TNFRSF10D: variants seen among roughly 807,000 people sequenced by gnomAD.
TNFRSF10D encodes TNF receptor superfamily member 10d.
Under a neutral mutation model 42.1 loss-of-function variants are expected in TNFRSF10D, and 28 were observed. That is an observed-to-expected ratio of 0.66 (90% CI 0.49 to 0.91). The LOEUF is 0.91. TNFRSF10D is among the 40% of genes least tolerant of loss of function. The pLI, the probability that TNFRSF10D is intolerant of heterozygous loss-of-function variation, is 0.00. For synonymous variants in TNFRSF10D, 186 were observed against 189.4 expected (o/e 0.98, Z 0.15); for missense variants, 503 against 486.1 (o/e 1.03, Z -0.33).
intron 1 of TNFRSF10D, among the ~76,000 whole-genome samples, chr8:23,161,749 A>G (rs1206969023): frequency 6.6e-6 from 1 of 152,224 alleles, no homozygotes; most frequent in Non-Finnish European, 1.5e-5. Context: ...AAGTGTAACA[A>G]GGGTGTAGGG....
intron 3 of TNFRSF10D, among the ~76,000 whole-genome samples, chr8:23,147,837 T>C (rs1192795185): frequency 2.6e-5 from 4 of 151,382 alleles, no homozygotes; most frequent in African/African-American, 7.3e-5. Flanking sequence ...CCGAGGTGGG[T>C]GGATCACGAG....
intron 1 of TNFRSF10D, among the ~76,000 whole-genome samples, chr8:23,162,963 C>T (rs1002180936): frequency 5.3e-5 from 8 of 152,224 alleles, no homozygotes; most frequent in African/African-American, 1.4e-4. Context: ...GCTCTGTCGC[C>T]CAGGCTGGAG....
intron 1 of TNFRSF10D, among the ~76,000 whole-genome samples, chr8:23,156,606 C>G (rs551970733): frequency 4.2e-4 from 64 of 150,878 alleles, no homozygotes; most frequent in African/African-American, 1.4e-3. Flanking sequence ...CCTCTGTCAT[C>G]CAGGTTGGAG....
rs1800097889 is a variant in TNFRSF10D at position 23,145,219 on chromosome 8, A to G, written c.737-130T>C. On this transcript the variant is annotated intron_variant, in intron 5 of 8. Coordinates refer to ENST00000312584, the MANE Select transcript of TNFRSF10D (RefSeq NM_003840.5). The stretch of plus-strand genomic sequence containing the variant: ...CAAGGAGCCCTGGGGCTGGGGACAG[A>G]ATGGGGCCTTGCAATTAGGGGACAC... 1.7e-5 allele frequency: 20 copies of G among 1,164,224 alleles called. 1 individual carries two copies. In the South Asian group the frequency reaches 2.8e-4, roughly 16 times the overall value. The allele number at this position is 1,164,224 out of a possible 1,614,324, so 72.1% of individuals were successfully genotyped here. A position where few individuals can be genotyped will look rare whatever the true frequency, so the allele number is the denominator to read the frequency against.
At chr8:23,151,599 A>G (rs184043288) in intron 2 of TNFRSF10D, among the ~76,000 whole-genome samples, 4 of 152,310 alleles carry the variant, frequency 2.6e-5, no homozygotes, top group African/African-American at 9.6e-5. Context: ...TACTTAATAC[A>G]ATTTGTTAAG....
chr8:23,143,126 G>A (rs4872061), intron 7 of TNFRSF10D, among the ~76,000 whole-genome samples: 2 of 152,056 alleles, frequency 1.3e-5, no homozygotes, highest in South Asian at 2.1e-4. Flanking sequence ...ACAGGCACCC[G>A]CTACCACGCC....
At chr8:23,160,889 A>G (rs918229569) in intron 1 of TNFRSF10D, among the ~76,000 whole-genome samples, 2 of 152,164 alleles carry the variant, frequency 1.3e-5, no homozygotes, top group Non-Finnish European at 2.9e-5. Flanking sequence ...TGGCAGGTAA[A>G]CCAGGCTGTG....
chr8:23,156,995 CAT>C (rs1800289964), intron 1 of TNFRSF10D, among the ~76,000 whole-genome samples: 1 of 151,722 alleles, frequency 6.6e-6, no homozygotes, highest in Non-Finnish European at 1.5e-5. Flanking sequence ...ATAAATTTCA[CAT>C]ATTTTTCTTT....
intron 1 of TNFRSF10D, among the ~76,000 whole-genome samples, chr8:23,162,731 G>A (rs1230777123): frequency 1.3e-5 from 2 of 152,122 alleles, no homozygotes; most frequent in Non-Finnish European, 2.9e-5. Flanking sequence ...GATACAGAGG[G>A]GACACACGGG....
Position 23,143,960 on chromosome 8 carries a change from C to G in TNFRSF10D, c.954+490G>C, listed in dbSNP as rs553486684. Among the ~76,000 whole-genome samples the G allele has an allele frequency of 1.3e-3, 203 of 152,298 alleles. No individual in the cohort carries two copies. In the South Asian group the frequency reaches 0.014, roughly 10 times the overall value. ...TGTGAATAACTGGATGTGTGTGTTT[C>G]TGTAATACAAAAGCACTTCTACACA... On this transcript the variant is annotated intron_variant, in intron 7 of 8. Coordinates refer to ENST00000312584, the MANE Select transcript of TNFRSF10D (RefSeq NM_003840.5).
At chr8:23,149,333 G>A (rs1268973617) in intron 2 of TNFRSF10D, among the ~76,000 whole-genome samples, 1 of 151,584 alleles carries the variant, frequency 6.6e-6, no homozygotes, top group African/African-American at 2.4e-5. Context: ...CACCTCCCAG[G>A]TTCAAGCGAT....
At position 23,158,121 on chromosome 8, in the gene TNFRSF10D, T is replaced by C. The variant is rs1199240637; in HGVS notation, c.151-3142A>G. On this transcript the variant is annotated intron_variant, in intron 1 of 8. Transcript: ENST00000312584. The stretch of plus-strand genomic sequence containing the variant: ...TGCTCGGCCATCTTTCAAGTTGTAC[T>C]TTCCTTCTTTTCTTTCCGTTCCTTC... 6.6e-5 allele frequency among the ~76,000 whole-genome samples: 10 copies of C among 152,100 alleles called. No individual in the cohort carries two copies. In the East Asian group the frequency reaches 1.9e-3, roughly 30 times the overall value.
chr8:23,163,751 C>T, intron 1 of TNFRSF10D, 35 bp downstream of exon 1: 3 of 1,600,764 alleles, frequency 1.9e-6, no homozygotes. Flanking sequence ...GCCAGGTGCG[C>T]TCTTCCCCAG....
chr8:23,152,001 G>A (rs1323696859), intron 2 of TNFRSF10D, among the ~76,000 whole-genome samples: 459 of 151,354 alleles, frequency 3.0e-3, no homozygotes, highest in African/African-American at 9.6e-3. Context: ...CTAATTGGGT[G>A]TTCATCTTGT....
intron 1 of TNFRSF10D, 42 bp from the exon 2 acceptor site, chr8:23,155,021 C>T (rs1354757743): frequency 2.0e-6 from 3 of 1,463,716 alleles, no homozygotes; most frequent in Admixed American, 2.2e-5. Context: ...GGCTTCCAGA[C>T]CTTACCTCTC....
intron 3 of TNFRSF10D, 92 bp downstream of exon 3, chr8:23,148,346 C>A: frequency 1.2e-6 from 1 of 855,010 alleles, no homozygotes; most frequent in South Asian, 1.7e-5. Flanking sequence ...CCAAGTTGGG[C>A]TAGAACTTGG....
intron 4 of TNFRSF10D, among the ~76,000 whole-genome samples, chr8:23,146,525 CTT>C (rs144168998): frequency 0.01 from 1,573 of 152,160 alleles, 7 homozygotes; most frequent in African/African-American, 0.036. Flanking sequence ...GCTACGGACA[CTT>C]TTGTCTTTAT....
chr8:23,148,541 T>G lies in TNFRSF10D; in HGVS notation c.267A>C (p.Arg89Ser). 1 of 1,607,462 alleles carries G rather than the reference T, an allele frequency of 6.2e-7. No individual in the cohort carries two copies. Among genetic ancestry groups the G allele is most frequent in the Admixed American group, 1.7e-5 (1 of 59,836 alleles). Residue 89 changes from arginine (R) to serine (S), a missense_variant, in exon 3 of 9, where the codon AGA (arginine) becomes AGC (serine). Physicochemically the swap from Arg to Ser is moderately radical, Grantham distance 110 (BLOSUM62 -1). Transcript: ENST00000312584. ...GGTTACAGGCTCCAGTATATTCTGATCTATGAGATCCTGGGAAGGGAGAGA... is the reference window on the plus strand; with the variant it reads ...GGTTACAGGCTCCAGTATATTCTGAGCTATGAGATCCTGGGAAGGGAGAGA... ...KEEECPAGSH[R>S]SEYTGACNPC...
chr8:23,157,673 C>T lies in TNFRSF10D; in HGVS notation c.151-2694G>A, dbSNP rs76564011. ...TCTCCTTTTCATTCTCTTTTTGCAT[C>T]ATGTGTTCTGCAGCTGTATTACTAG... On this transcript the variant is annotated intron_variant, in intron 1 of 8. Transcript: ENST00000312584. 1.9e-3 allele frequency among the ~76,000 whole-genome samples: 288 copies of T among 152,312 alleles called. 1 individual carries two copies. The highest frequency in any genetic ancestry group is 0.017 in the East Asian group (87 of 5,194).
Sources: allele counts gnomAD v4.1 joint callset (sites outside exome capture counted in the v4.1 genomes callset), GRCh38; gene constraint gnomAD v4.1.1; transcripts MANE v1.5; gene names NCBI Gene and HGNC (gene_info 2026-07-23, HGNC 2026-07-21).